Variants in MOK observed in about 807,000 individuals in gnomAD.
MOK encodes the protein MAPK/MAK/MRK overlapping kinase.
MOK carries 59 observed loss-of-function variants against 54.2 expected under a neutral mutation model. That is an observed-to-expected ratio of 1.09 (90% CI 0.88 to 1.35). MOK has a LOEUF of 1.35. MOK is among the 40% of genes most tolerant of loss of function. The pLI is 0.00. For synonymous variants in MOK, 210 were observed against 202.7 expected, an observed-to-expected ratio of 1.04 and a Z score of -0.31; for missense variants, 517 against 526.2, an observed-to-expected ratio of 0.98 and a Z score of 0.17.
intron 1 of MOK, among the ~76,000 whole-genome samples, chr14:102,294,192 A>G (rs1370871429): frequency 1.3e-5 from 2 of 151,286 alleles, no homozygotes. Flanking sequence ...CATGCCTGTA[A>G]TCCCAGCACT....
At chr14:102,292,432 C>A (rs2070862857) in intron 1 of MOK, among the ~76,000 whole-genome samples, 1 of 152,030 alleles carries the variant, frequency 6.6e-6, no homozygotes, top group Admixed American at 6.6e-5. Flanking sequence ...GAGATAGCAC[C>A]ACTGCACTCT....
intron 4 of MOK, among the ~76,000 whole-genome samples, chr14:102,259,717 A>G (rs1455619899): frequency 6.6e-6 from 1 of 152,122 alleles, no homozygotes; most frequent in African/African-American, 2.4e-5. Flanking sequence ...TTATCTCCCC[A>G]TGCCTCAATG....
intron 1 of MOK, among the ~76,000 whole-genome samples, chr14:102,297,869 C>T (rs941449359): frequency 3.9e-5 from 6 of 152,146 alleles, no homozygotes; most frequent in African/African-American, 9.7e-5. Flanking sequence ...CCTGCAGTGC[C>T]GGCCCACCGG....
intron 2 of MOK, 37 bp from the exon 3 acceptor site, chr14:102,265,949 T>A (rs1409496821): frequency 6.9e-7 from 1 of 1,454,626 alleles, no homozygotes; most frequent in Non-Finnish European, 9.6e-7. Flanking sequence ...TCATTCACAG[T>A]TTAGGTCAAC....
chr14:102,256,342 A>G (rs2066946288), intron 4 of MOK, among the ~76,000 whole-genome samples: 1 of 151,746 alleles, frequency 6.6e-6, no homozygotes. Context: ...AGGCAGGCGG[A>G]TCACGAGGTC....
intron 7 of MOK, among the ~76,000 whole-genome samples, chr14:102,241,597 A>G (rs533747633): frequency 6.6e-6 from 1 of 152,346 alleles, no homozygotes; most frequent in Non-Finnish European, 1.5e-5. Flanking sequence ...CTAGACCCAG[A>G]GGGGCCAGAA....
the MOK span, among the ~76,000 whole-genome samples, chr14:102,215,366 C>CA: frequency 6.6e-6 from 1 of 152,218 alleles, no homozygotes; most frequent in East Asian, 1.9e-4. Context: ...TACATGGACT[C>CA]ACTATCCCGG....
intron 7 of MOK, among the ~76,000 whole-genome samples, chr14:102,248,483 AAAC>A (rs1479485828): frequency 2.6e-5 from 4 of 152,086 alleles, no homozygotes; most frequent in Non-Finnish European, 4.4e-5. Context: ...ATTAACCAGC[AAAC>A]AACCCTGGGA....
chr14:102,242,263 C>T (rs1010854036), intron 7 of MOK, among the ~76,000 whole-genome samples: 2 of 152,164 alleles, frequency 1.3e-5, no homozygotes, highest in Admixed American at 6.5e-5. Context: ...TGGGTATTGA[C>T]GGCCAGGCTT....
At chr14:102,257,471 TCA>T (rs2067060614) in intron 4 of MOK, among the ~76,000 whole-genome samples, 1 of 152,194 alleles carries the variant, frequency 6.6e-6, no homozygotes, top group Admixed American at 6.5e-5. Context: ...TCTATCCATA[TCA>T]CAGAGTAACC....
downstream of MOK, chr14:102,226,308 G>A (rs757194657): frequency 1.0e-5 from 7 of 702,946 alleles, no homozygotes; most frequent in East Asian, 5.4e-5. The surrounding 1 kb of genome is among the most constrained non-coding windows in gnomAD (Gnocchi z 4.8). Context: ...GTGACACTGC[G>A]GCCGGGCAGC....
chr14:102,263,953 C>T (rs776186361), intron 3 of MOK: 15 of 199,978 alleles, frequency 7.5e-5, no homozygotes, highest in East Asian at 4.7e-4. Context: ...TGGTGGCTCA[C>T]GCCTGTAATC....
Position 102,232,118 on chromosome 14 carries a change from T to G in MOK, c.867-297A>C. On this transcript the variant is annotated intron_variant, in intron 9 of 11. Transcript: ENST00000361847. The surrounding 1 kb of genome is among the most constrained non-coding windows in gnomAD (Gnocchi z 5.1). ...ACAGGAGTGTCCAGAGGTCCGGAATTAGGTGACCTCAGGGCAGACAGGTCT... is the reference window on the plus strand; with the variant it reads ...ACAGGAGTGTCCAGAGGTCCGGAATGAGGTGACCTCAGGGCAGACAGGTCT... 1 of 377,490 alleles carries G rather than the reference T, an allele frequency of 2.6e-6. No homozygotes were observed. The highest frequency in any genetic ancestry group is 4.8e-6 in the Non-Finnish European group (1 of 210,296). The allele number at this position is 377,490 out of a possible 1,614,324, so 23.4% of individuals were successfully genotyped here.
At chr14:102,222,934 G>T, downstream of MOK, 1 of 1,607,080 alleles carries the variant, frequency 6.2e-7, no homozygotes, top group South Asian at 1.1e-5. This position sits in a 1 kb window ranked among gnomAD's most constrained non-coding sequence, Gnocchi z 4.4. Context: ...TCGAGGGAGT[G>T]ACGAGGAGGA....
intron 7 of MOK, among the ~76,000 whole-genome samples, chr14:102,234,436 C>T (rs998331046): frequency 6.6e-6 from 1 of 152,152 alleles, no homozygotes; most frequent in Admixed American, 6.5e-5. Context: ...CGTCCATCTC[C>T]CATTTCCGAA....
intron 7 of MOK, among the ~76,000 whole-genome samples, chr14:102,237,097 T>C (rs949878102): frequency 1.3e-5 from 2 of 152,192 alleles, no homozygotes; most frequent in Non-Finnish European, 2.9e-5. Flanking sequence ...TGGACCGACC[T>C]TGACACCCTC....
rs529013424 is a variant in MOK, at chr14:102,236,631, C to T, written c.591-2842G>A. On this transcript the variant is annotated intron_variant, in intron 7 of 11. Transcript: ENST00000361847. The surrounding 1 kb of genome is among the most constrained non-coding windows in gnomAD (Gnocchi z 4.5). ...TATGCGAGTCCAGCCCCTGACCCCTCTCCCCAGTACCCACTTCCCACCTCT... is the reference window on the plus strand; with the variant it reads ...TATGCGAGTCCAGCCCCTGACCCCTTTCCCCAGTACCCACTTCCCACCTCT... Among the ~76,000 whole-genome samples the T allele has an allele frequency of 3.3e-5, 5 of 152,264 alleles. No homozygotes were observed. Among genetic ancestry groups the T allele is most frequent in the Admixed American group, 2.0e-4 (3 of 15,302 alleles).
chr14:102,217,964 G>A, the MOK span, among the ~76,000 whole-genome samples: 6 of 152,342 alleles, frequency 3.9e-5, no homozygotes, highest in East Asian at 1.9e-4. Context: ...CAGGGGCTAC[G>A]TGCAGGGCCA....
Position 102,244,476 on chromosome 14 carries a change from T to C in MOK, c.590+6336A>G, listed in dbSNP as rs150251545. On this transcript the variant is annotated intron_variant, in intron 7 of 11. Transcript: ENST00000361847. ...AGAACCTCTCATTTCCTTTCCATCA[T>C]GGAAATCTATCCTCAAGGAAATCAC... 4.6e-3 allele frequency among the ~76,000 whole-genome samples: 705 copies of C among 152,336 alleles called. 6 individuals are homozygous for C. Among genetic ancestry groups the C allele is most frequent in the African/African-American group, 0.016 (654 of 41,576 alleles).
Sources: gnomAD v4.1 joint callset for allele counts (sites outside exome capture counted in the v4.1 genomes callset) on GRCh38, gnomAD v4.1.1 for gene constraint, Gnocchi (gnomAD v3.1) non-coding constraint, MANE v1.5 for transcripts, NCBI Gene and HGNC (gene_info 2026-07-23, HGNC 2026-07-21) for gene names.